The following ZNF611 variants were observed in gnomAD, a reference collection of about 807,000 sequenced individuals.
ZNF611 encodes the protein zinc finger protein 611.
A neutral mutation model predicts 8.9 loss-of-function variants in ZNF611; 6 were observed. That is an observed-to-expected ratio of 0.68 (90% CI 0.37 to 1.34). The LOEUF (loss-of-function observed/expected upper bound fraction) is 1.34, where lower values mean the gene tolerates loss of function less well. Among genes scored for constraint, ZNF611 ranks in the 40% most tolerant of loss-of-function variants. The pLI is 0.02. For synonymous variants in ZNF611, 262 were observed against 279.7 expected, an observed-to-expected ratio of 0.94 and a Z score of 0.63; for missense variants, 874 against 841.3, an observed-to-expected ratio of 1.04 and a Z score of -0.48.
chr19:52,705,253 T>C lies in ZNF611; in HGVS notation c.1802A>G (p.Lys601Arg), dbSNP rs2062232284. Reference protein sequence around the residue: ...EKPYKCNECSKTFSRRSSLHC... With the variant: ...EKPYKCNECSRTFSRRSSLHC... ...AAGGGATGACCTGCGACTGAAGGTC[T>C]TGCTGCACTCATTACACTTGTAAGG... Residue 601 changes from lysine (K) to arginine (R), a missense_variant, in exon 6 of 6, where the codon AAG (lysine) becomes AGG (arginine). Transcript: ENST00000652185. 6.2e-7 allele frequency: 1 copy of C among 1,614,140 alleles called. No individual in the cohort carries two copies. Among genetic ancestry groups the C allele is most frequent in the Non-Finnish European group, 8.5e-7 (1 of 1,180,010 alleles).
At chr19:52,709,703 G>T (rs1277110940) in intron 5 of ZNF611, among the ~76,000 whole-genome samples, 2 of 152,152 alleles carry the variant, frequency 1.3e-5, no homozygotes, top group African/African-American at 4.8e-5. Context: ...GAGTAGCTGG[G>T]ATTACAGGCA....
intron 1 of ZNF611, among the ~76,000 whole-genome samples, chr19:52,732,357 T>C (rs1208899600): frequency 8.3e-6 from 1 of 120,552 alleles, no homozygotes; most frequent in Non-Finnish European, 1.7e-5. Flanking sequence ...TAACTCACAG[T>C]ATTGAGTTAT....
intron 3 of ZNF611, chr19:52,721,165 C>A (rs371623956): frequency 6.4e-6 from 1 of 155,354 alleles, no homozygotes; most frequent in South Asian, 2.0e-4. Flanking sequence ...GATGGGATGG[C>A]GGCCGTGCAG....
At chr19:52,729,650 AC>A (rs2147448642) in intron 2 of ZNF611, among the ~76,000 whole-genome samples, 1 of 152,288 alleles carries the variant, frequency 6.6e-6, no homozygotes, top group Admixed American at 6.5e-5. Context: ...ATTACATATC[AC>A]ATACTGAAAA....
intron 2 of ZNF611, among the ~76,000 whole-genome samples, chr19:52,729,492 C>CAAAAAAAA (rs397859789): frequency 0.031 from 1,307 of 42,388 alleles, 84 homozygotes; most frequent in East Asian, 0.062. Context: ...GACTCCATCT[C>CAAAAAAAA]AAAAAAAAAA....
chr19:52,732,781 CAA>C (rs67203350), intron 1 of ZNF611, among the ~76,000 whole-genome samples: 41,076 of 124,228 alleles, frequency 0.33, 5,807 homozygotes, highest in Middle Eastern at 0.41. Flanking sequence ...TCCGTTTCTA[CAA>C]AAAAAAAAAA....
At chr19:52,731,998 G>A (rs370107227) in intron 1 of ZNF611, among the ~76,000 whole-genome samples, 2 of 145,948 alleles carry the variant, frequency 1.4e-5, no homozygotes, top group African/African-American at 2.5e-5. Context: ...ATGGCCGGGC[G>A]GGTGGCTCAC....
intron 5 of ZNF611, among the ~76,000 whole-genome samples, chr19:52,707,086 A>T (rs2062250851): frequency 6.6e-6 from 1 of 152,160 alleles, no homozygotes; most frequent in African/African-American, 2.4e-5. Flanking sequence ...TCATGACAAA[A>T]CACTGACAGG....
Position 52,704,586 on chromosome 19 carries a change from G to T in ZNF611, c.*351C>A. On this transcript the variant is annotated 3_prime_UTR_variant, in exon 6 of 6. Coordinates refer to ENST00000652185, the MANE Select transcript of ZNF611 (RefSeq NM_001161499.2). ...TATGTGAACGATCTCTGAAAAATTT[G>T]CCACATTTATTACACTTGTAAGATC... is the stretch of plus-strand genomic sequence containing the variant. 6 of 1,552,982 alleles carry T rather than the reference G, an allele frequency of 3.9e-6. No individual in the cohort carries two copies. Among genetic ancestry groups the T allele is most frequent in the Non-Finnish European group, 4.4e-6 (5 of 1,129,136 alleles).
chr19:52,718,307 A>T (rs976275223), intron 3 of ZNF611, among the ~76,000 whole-genome samples: 5 of 151,356 alleles, frequency 3.3e-5, no homozygotes, highest in Admixed American at 1.3e-4. Context: ...GCCACTGCAC[A>T]CCAGCCTGGG....
At chr19:52,734,415 A>C (rs979024196) in intron 1 of ZNF611, among the ~76,000 whole-genome samples, 6 of 152,014 alleles carry the variant, frequency 3.9e-5, no homozygotes, top group African/African-American at 1.4e-4. Context: ...CGCAGGCAAG[A>C]ATACCCCGTG....
intron 3 of ZNF611, among the ~76,000 whole-genome samples, chr19:52,722,633 ATAATT>A (rs1485904716): frequency 2.0e-5 from 3 of 152,220 alleles, no homozygotes; most frequent in African/African-American, 4.8e-5. Context: ...ACTCATCTGT[ATAATT>A]TAAACAAGTT....
At chr19:52,709,414 A>G (rs2062265613) in intron 5 of ZNF611, among the ~76,000 whole-genome samples, 1 of 152,124 alleles carries the variant, frequency 6.6e-6, no homozygotes, top group South Asian at 2.1e-4. Context: ...CTAGGACTAC[A>G]GGCATGCACC....
rs2062312969 is a variant in ZNF611, at chr19:52,715,820, A to AT, written c.63+11dup. 6.2e-7 allele frequency: 1 copy of AT among 1,610,788 alleles called. No homozygotes were observed. The highest frequency in any genetic ancestry group is 8.5e-7 in the Non-Finnish European group (1 of 1,179,744). On this transcript the variant is annotated intron_variant, in intron 4 of 5. Coordinates refer to ENST00000652185, the MANE Select transcript of ZNF611 (RefSeq NM_001161499.2). ...AAGACACAGATTAATCCACAGAGGA[A>AT]TATCACTTCACCTGAGGAAGAGCCA...
At position 52,703,659 on chromosome 19, in the gene ZNF611, T is replaced by A. The variant is rs887097697; in HGVS notation, c.*1278A>T. 6.8e-6 allele frequency: 1 copy of A among 147,086 alleles called. No individual in the cohort carries two copies. Among genetic ancestry groups the A allele is most frequent in the African/African-American group, 2.5e-5 (1 of 39,768 alleles). The allele number at this position is 147,086 out of a possible 1,614,324, so 9.1% of individuals were successfully genotyped here. The stretch of plus-strand genomic sequence containing the variant: ...CAGGCTGGAGCCCAGTGGTGCGATC[T>A]CGACTCCCTGCAAGCTCCGCCTCAC... On this transcript the variant is annotated 3_prime_UTR_variant, in exon 6 of 6. Coordinates refer to ENST00000652185, the MANE Select transcript of ZNF611 (RefSeq NM_001161499.2).
intron 5 of ZNF611, among the ~76,000 whole-genome samples, chr19:52,710,894 G>A (rs548140101): frequency 2.0e-4 from 27 of 132,366 alleles, no homozygotes; most frequent in African/African-American, 8.0e-4. Flanking sequence ...AGCCAGGCTC[G>A]CACCAGGCAT....
chr19:52,705,153 G>C lies in ZNF611; in HGVS notation c.1902C>G (p.Cys634Trp). 1 of 1,613,684 alleles carries C rather than the reference G, an allele frequency of 6.2e-7. No homozygotes were observed. The highest frequency in any genetic ancestry group is 8.5e-7 in the Non-Finnish European group (1 of 1,179,930). The change falls in exon 6 of 6, where the codon TGC becomes TGG. Residue 634 changes from cysteine to tryptophan, a missense_variant. Transcript: ENST00000652185. The part of the protein sequence containing the change: ...CNECGNTFRH[C>W]SSLIYHRRLH... ...GTCTACGATGGTATATAAGGGATGA[G>C]CAGTGACGGAAGGTATTGCCACACT... is the stretch of plus-strand genomic sequence containing the variant.
At chr19:52,720,594 G>GCCGGGCAGAGGCA (rs2062351104) in intron 3 of ZNF611, among the ~76,000 whole-genome samples, 1 of 123,318 alleles carries the variant, frequency 8.1e-6, no homozygotes, top group Non-Finnish European at 1.8e-5. Flanking sequence ...AGACGGGGCA[G>GCCGGGCAGAGGCA]CTGCTGGGCA....
chr19:52,724,852 T>TGTC (rs1555796675), intron 3 of ZNF611, among the ~76,000 whole-genome samples: 1 of 152,164 alleles, frequency 6.6e-6, no homozygotes, highest in African/African-American at 2.4e-5. Context: ...TCTCCCTATC[T>TGTC]TGTCCTTCAT....
Sources: gnomAD v4.1 joint callset for allele counts (sites outside exome capture counted in the v4.1 genomes callset) on GRCh38, gnomAD v4.1.1 for gene constraint, MANE v1.5 for transcripts, NCBI Gene and HGNC (gene_info 2026-07-23, HGNC 2026-07-21) for gene names.